PCDHGA2: variants seen among roughly 807,000 people sequenced by gnomAD.
The protein encoded by PCDHGA2 is protocadherin gamma subfamily A, 2, also known as protocadherin gamma-A2.
A neutral mutation model predicts 59.2 loss-of-function variants in PCDHGA2; 40 were observed. The ratio of observed to expected loss-of-function variants is 0.68; its 90% CI spans 0.52 to 0.88. The LOEUF is 0.88. Ranked by LOEUF, PCDHGA2 falls within the 40% of genes least tolerant of loss-of-function variation. PCDHGA2 has a pLI of 0.00. For missense variants in PCDHGA2, 1,226 were observed against 1,204.0 expected, an observed-to-expected ratio of 1.02 and a Z score of -0.27; for synonymous variants, 560 against 526.0, an observed-to-expected ratio of 1.06 and a Z score of -0.89.
At chr5:141,375,448 A>G in intron 1 of PCDHGA2, 2 of 1,613,844 alleles carry the variant, frequency 1.2e-6, no homozygotes, top group South Asian at 1.1e-5. Flanking sequence ...TCCCCCATTC[A>G]TCCTACTCAG....
At chr5:141,355,398 C>G in intron 1 of PCDHGA2, 6 of 1,614,074 alleles carry the variant, frequency 3.7e-6, no homozygotes, top group Admixed American at 1.7e-5. Flanking sequence ...GAGTCCGCAT[C>G]GTCTCCAGAG....
intron 1 of PCDHGA2, chr5:141,365,734 T>C: frequency 4.3e-6 from 7 of 1,613,550 alleles, no homozygotes; most frequent in Non-Finnish European, 5.1e-6. Context: ...ATCCCAGAGG[T>C]GTCTCTATCT....
At chr5:141,452,490 C>A (rs2098742307) in intron 1 of PCDHGA2, among the ~76,000 whole-genome samples, 1 of 152,188 alleles carries the variant, frequency 6.6e-6, no homozygotes, top group East Asian at 1.9e-4. Flanking sequence ...TAAACACACC[C>A]ATATTTATAT....
chr5:141,456,814 ATTAGCCATCGTGG>A (rs2098889077), intron 1 of PCDHGA2, among the ~76,000 whole-genome samples: 1 of 151,928 alleles, frequency 6.6e-6, no homozygotes, highest in Non-Finnish European at 1.5e-5. Context: ...AATACAAAAA[ATTAGCCATCGTGG>A]TAGTGGGCGC....
At chr5:141,414,183 A>C in intron 1 of PCDHGA2, 1 of 1,609,508 alleles carries the variant, frequency 6.2e-7, no homozygotes, top group Non-Finnish European at 8.5e-7. Flanking sequence ...CAACTGCAAA[A>C]GTGTTGATTA....
At position 141,344,635 on chromosome 5, in the gene PCDHGA2, AC is replaced by A. The variant is rs760436130; in HGVS notation, c.2424+3242del. 4.2e-5 allele frequency: 67 copies of A among 1,613,952 alleles called. No individual in the cohort carries two copies. In the African/African-American group the frequency reaches 6.7e-4, roughly 16 times the overall value. On this transcript the variant is annotated intron_variant, in intron 1 of 3. Coordinates refer to ENST00000394576, the MANE Select transcript of PCDHGA2 (RefSeq NM_018915.4). ...GAGCTGGTGCTGGAGCGGGCCCTGG[AC>A]CGTGAGAAAAAAGAAATTCACCAGC...
chr5:141,463,438 CTTTTTTTTTT>C (rs71576115), intron 1 of PCDHGA2, among the ~76,000 whole-genome samples: 6 of 103,254 alleles, frequency 5.8e-5, no homozygotes, highest in Non-Finnish European at 9.4e-5. Flanking sequence ...TTTCCTTCTC[CTTTTTTTTTT>C]TTTTTTTTTT....
At chr5:141,385,376 C>T in intron 1 of PCDHGA2, 1 of 1,523,128 alleles carries the variant, frequency 6.6e-7, no homozygotes. Context: ...CATGATATTT[C>T]TCTATTATTT....
chr5:141,387,194 G>T (rs867598874), intron 1 of PCDHGA2, among the ~76,000 whole-genome samples: 1 of 152,178 alleles, frequency 6.6e-6, no homozygotes, highest in Non-Finnish European at 1.5e-5. Flanking sequence ...GGCAATTTTG[G>T]TATTACTGAT....
rs558074504 is a variant in PCDHGA2, at chr5:141,489,065, C to G, written c.2425-5742C>G. On this transcript the variant is annotated intron_variant, in intron 1 of 3. Coordinates refer to ENST00000394576, the MANE Select transcript of PCDHGA2 (RefSeq NM_018915.4). This position sits in a 1 kb window ranked among gnomAD's most constrained non-coding sequence, Gnocchi z 4.5. ...CCACTCAAATTCAGCTCCCCTCCCC[C>G]CTGCCCACCCCCGCCACTCGGTGAC... is the stretch of plus-strand genomic sequence containing the variant. The G allele has an allele frequency of 1.5e-4, 57 of 389,046 alleles. No homozygotes were observed. Among genetic ancestry groups the G allele is most frequent in the African/African-American group, 8.5e-4 (40 of 47,278 alleles). 24.1% of individuals were successfully genotyped at this position (389,046 alleles called of 1,614,324 possible).
chr5:141,409,857 T>C (rs761331515), intron 1 of PCDHGA2: 2 of 1,612,228 alleles, frequency 1.2e-6, no homozygotes, highest in African/African-American at 2.7e-5. Context: ...CGCGTGTTGG[T>C]GGGAGACCGC....
chr5:141,350,391 G>A (rs1758462481), intron 1 of PCDHGA2: 3 of 1,597,588 alleles, frequency 1.9e-6, no homozygotes, highest in Non-Finnish European at 8.6e-7. Context: ...AACGGCTCAC[G>A]GGTGGGGAAA....
intron 1 of PCDHGA2, chr5:141,393,852 G>A (rs780721020): frequency 3.1e-6 from 5 of 1,614,004 alleles, no homozygotes; most frequent in South Asian, 1.1e-5. Flanking sequence ...TAGACCAGAA[G>A]TGATCATTAC....
chr5:141,436,743 C>A (rs991678215), intron 1 of PCDHGA2, among the ~76,000 whole-genome samples: 3 of 152,158 alleles, frequency 2.0e-5, no homozygotes, highest in Non-Finnish European at 4.4e-5. Flanking sequence ...TTTTTGTGTG[C>A]TTCTCCATAT....
chr5:141,415,968 C>T (rs1382830747), intron 1 of PCDHGA2: 2 of 390,600 alleles, frequency 5.1e-6, no homozygotes, highest in African/African-American at 2.1e-5. Context: ...ACTCCAGCCC[C>T]TTAAGCAACC....
At chr5:141,375,018 C>T (rs754559115) in intron 1 of PCDHGA2, 7 of 1,613,982 alleles carry the variant, frequency 4.3e-6, no homozygotes, top group Non-Finnish European at 4.2e-6. Flanking sequence ...TATGAGGACT[C>T]GAGTTTTTAT....
intron 2 of PCDHGA2, among the ~76,000 whole-genome samples, chr5:141,503,851 A>C (rs1484022055): frequency 6.6e-6 from 1 of 152,116 alleles, no homozygotes; most frequent in Non-Finnish European, 1.5e-5. Context: ...CCTTGGAAAA[A>C]TTGTAAAGCA....
At chr5:141,494,708 C>T (rs1481947557) in intron 1 of PCDHGA2, 99 bp from the exon 2 acceptor site, 2 of 1,599,566 alleles carry the variant, frequency 1.3e-6, no homozygotes, top group Non-Finnish European at 1.7e-6. Flanking sequence ...CTTCTCTGTG[C>T]CCACTCCCCT....
Position 141,490,198 on chromosome 5 carries a change from G to A in PCDHGA2, c.2425-4609G>A. ...GGAGTCACGTTTCTATGAAATTCAT[G>A]CAAGAGCCCGTGACCAGGGACAGCC... On this transcript the variant is annotated intron_variant, in intron 1 of 3. Coordinates refer to ENST00000394576, the MANE Select transcript of PCDHGA2 (RefSeq NM_018915.4). The surrounding 1 kb of genome is among the most constrained non-coding windows in gnomAD (Gnocchi z 5.4). The A allele has an allele frequency of 6.2e-7, 1 of 1,614,208 alleles. No homozygotes were observed. Among genetic ancestry groups the A allele is most frequent in the Non-Finnish European group, 8.5e-7 (1 of 1,180,038 alleles).
Sources: allele counts gnomAD v4.1 joint callset (sites outside exome capture counted in the v4.1 genomes callset), GRCh38; gene constraint gnomAD v4.1.1; non-coding constraint Gnocchi (gnomAD v3.1); transcripts MANE v1.5; gene names NCBI Gene and HGNC (gene_info 2026-07-23, HGNC 2026-07-21).